ZFHX3: variants seen among roughly 807,000 people sequenced by gnomAD.
The protein encoded by ZFHX3 is zinc finger homeobox protein 3.
ZFHX3 carries 42 observed loss-of-function variants against 279.1 expected under a neutral mutation model. That is an observed-to-expected ratio of 0.15 (90% CI 0.12 to 0.19). ZFHX3 has a LOEUF of 0.19. Ranked by LOEUF, ZFHX3 falls within the 10% of genes least tolerant of loss-of-function variation. ZFHX3 has a pLI of 1.00. For missense variants in ZFHX3, 4,981 were observed against 4,754.0 expected, an observed-to-expected ratio of 1.05 and a Z score of -1.40; for synonymous variants, 2,293 against 1,957.8, an observed-to-expected ratio of 1.17 and a Z score of -4.52.
At chr16:72,878,203 C>CA (rs113457847) in intron 4 of ZFHX3, among the ~76,000 whole-genome samples, 52 of 151,656 alleles carry the variant, frequency 3.4e-4, no homozygotes, top group African/African-American at 7.5e-4. Flanking sequence ...AAAACAAAAA[C>CA]AAAAAAACAA....
At chr16:73,581,405 G>GT (rs1194088452) in intron 2 of ZFHX3, among the ~76,000 whole-genome samples, 1 of 151,670 alleles carries the variant, frequency 6.6e-6, no homozygotes, top group Non-Finnish European at 1.5e-5. Flanking sequence ...GTTTGTATAA[G>GT]TGGTTTTCTT....
At chr16:73,630,308 G>A (rs2052456126) in intron 2 of ZFHX3, among the ~76,000 whole-genome samples, 1 of 152,182 alleles carries the variant, frequency 6.6e-6, no homozygotes, top group Non-Finnish European at 1.5e-5. Flanking sequence ...TTGATCATTT[G>A]GAGAGGGTGA....
At chr16:73,840,089 A>C (rs1271600649) in intron 1 of ZFHX3, among the ~76,000 whole-genome samples, 2 of 152,190 alleles carry the variant, frequency 1.3e-5, no homozygotes, top group East Asian at 3.9e-4. Flanking sequence ...CACCCAGCTC[A>C]GGATCCAGTA....
intron 3 of ZFHX3, among the ~76,000 whole-genome samples, chr16:73,360,901 C>CA (rs913308629): frequency 2.6e-5 from 4 of 151,082 alleles, no homozygotes; most frequent in Admixed American, 2.0e-4. Context: ...GGGATCCATG[C>CA]AAAAAAAAGC....
chr16:73,554,378 T>A lies in ZFHX3; in HGVS notation c.-1546-98120A>T, dbSNP rs1275656647. 4 of 152,254 alleles carry A rather than the reference T, an allele frequency of 2.6e-5. No individual in the cohort carries two copies. The East Asian group carries it at 7.7e-4, about 29-fold the overall frequency. The allele number at this position is 152,254 out of a possible 1,614,324, so 9.4% of individuals were successfully genotyped here. On this transcript the variant is annotated intron_variant, in intron 2 of 17. Transcript: ENST00000641206. ...AAAAGCCAGGAATAACATGACAATA[T>A]CTTCTTTGCATTCTCCAAGTTAGTG...
intron 5 of ZFHX3, among the ~76,000 whole-genome samples, chr16:73,240,217 A>ATTTAC: frequency 6.7e-6 from 1 of 148,470 alleles, no homozygotes; most frequent in South Asian, 2.1e-4. Context: ...CTTGCAGGGT[A>ATTTAC]TTTTCTTTTC....
intron 3 of ZFHX3, among the ~76,000 whole-genome samples, chr16:73,319,741 C>T (rs550138192): frequency 2.0e-5 from 3 of 152,222 alleles, no homozygotes; most frequent in Middle Eastern, 3.4e-3. Context: ...TAGGTTTAAA[C>T]GAAACCCCGC....
chr16:73,652,793 GTAT>G lies in ZFHX3; in HGVS notation c.-1547+27384_-1547+27386del, dbSNP rs2142167205. On this transcript the variant is annotated intron_variant, in intron 2 of 17. Coordinates refer to the ZFHX3 transcript ENST00000641206. ...ATAAATAAAAGAATGAAAATAAAGTGTATTATTTCCATATGAATACAAAAAATA... is the reference window on the plus strand; with the variant it reads ...ATAAATAAAAGAATGAAAATAAAGTGTATTTCCATATGAATACAAAAAATA... 1.3e-5 allele frequency among the ~76,000 whole-genome samples: 2 copies of G among 152,096 alleles called. 1 individual carries two copies. Among genetic ancestry groups the G allele is most frequent in the East Asian group, 3.9e-4 (2 of 5,178 alleles).
intron 1 of ZFHX3, among the ~76,000 whole-genome samples, chr16:73,780,569 A>G (rs1959435071): frequency 6.7e-6 from 1 of 149,920 alleles, no homozygotes; most frequent in Non-Finnish European, 1.5e-5. Context: ...CTGCCTCCCA[A>G]GGAGCTGGAT....
At chr16:72,826,824 G>A (rs952504512) in intron 5 of ZFHX3, among the ~76,000 whole-genome samples, 7 of 152,200 alleles carry the variant, frequency 4.6e-5, no homozygotes, top group African/African-American at 7.2e-5. Context: ...GAATGCATGA[G>A]AAAGTGGAAC....
At chr16:73,676,687 T>A (rs1015113066) in intron 2 of ZFHX3, among the ~76,000 whole-genome samples, 2 of 151,686 alleles carry the variant, frequency 1.3e-5, no homozygotes, top group African/African-American at 2.4e-5. Flanking sequence ...GAAGACTGAG[T>A]CACAACACCA....
At chr16:73,479,369 C>A (rs1053223246) in intron 2 of ZFHX3, among the ~76,000 whole-genome samples, 1 of 152,184 alleles carries the variant, frequency 6.6e-6, no homozygotes, top group Non-Finnish European at 1.5e-5. Context: ...GCACCCCAAA[C>A]CCCTGCCATA....
rs79640347 is a variant in ZFHX3, at chr16:73,602,438, T to A, written c.-1547+77742A>T. The stretch of plus-strand genomic sequence containing the variant: ...TATTACGAGAACTTCTTTGGTCTCA[T>A]GAGACGATTCCTCCAAAGGGCAGGG... On this transcript the variant is annotated intron_variant, in intron 2 of 17. Coordinates refer to the ZFHX3 transcript ENST00000641206. Among the ~76,000 whole-genome samples the A allele has an allele frequency of 2.4e-3, 369 of 152,268 alleles. 1 individual carries two copies. The highest frequency in any genetic ancestry group is 8.3e-3 in the African/African-American group (345 of 41,560).
At position 73,185,345 on chromosome 16, in the gene ZFHX3, A is replaced by G. The variant is rs1291068763; in HGVS notation, c.-1103-41514T>C. Among the ~76,000 whole-genome samples the G allele has an allele frequency of 2.0e-5, 3 of 152,348 alleles. No homozygotes were observed. The East Asian group carries it at 5.8e-4, about 29-fold the overall frequency. On this transcript the variant is annotated intron_variant, in intron 5 of 17. Transcript: ENST00000641206. ...GCATTATTCCTGTCCTCATTTTACCAAATGGCAACCTGAGGTTCAGGGAGG... is the reference window on the plus strand; with the variant it reads ...GCATTATTCCTGTCCTCATTTTACCGAATGGCAACCTGAGGTTCAGGGAGG...
At chr16:73,578,616 A>G (rs2051825523) in intron 2 of ZFHX3, among the ~76,000 whole-genome samples, 1 of 152,172 alleles carries the variant, frequency 6.6e-6, no homozygotes, top group Admixed American at 6.5e-5. Context: ...ACACCCAAGG[A>G]AGTGATGTGT....
intron 1 of ZFHX3, among the ~76,000 whole-genome samples, chr16:73,760,323 G>A (rs2053851395): frequency 6.6e-6 from 1 of 152,110 alleles, no homozygotes; most frequent in African/African-American, 2.4e-5. Flanking sequence ...AAATGCCGAG[G>A]ACCAGACGGA....
intron 1 of ZFHX3, among the ~76,000 whole-genome samples, chr16:72,976,795 A>G (rs1252116285): frequency 2.0e-5 from 3 of 152,204 alleles, no homozygotes; most frequent in African/African-American, 7.2e-5. Flanking sequence ...TGACCATGGC[A>G]TCTCATGGCT....
intron 2 of ZFHX3, among the ~76,000 whole-genome samples, chr16:73,542,285 G>A (rs1281162886): frequency 6.6e-6 from 1 of 152,170 alleles, no homozygotes; most frequent in Non-Finnish European, 1.5e-5. Flanking sequence ...GGCGGGGGCT[G>A]CACAGGGTGG....
chr16:73,250,443 A>G (rs2013446708), intron 5 of ZFHX3, among the ~76,000 whole-genome samples: 1 of 152,136 alleles, frequency 6.6e-6, no homozygotes, highest in East Asian at 1.9e-4. Context: ...TATTTTATCC[A>G]TTTTTAATTT....
Sources: gnomAD v4.1 joint callset for allele counts (sites outside exome capture counted in the v4.1 genomes callset) on GRCh38, gnomAD v4.1.1 for gene constraint, MANE v1.5 for transcripts, NCBI Gene and HGNC (gene_info 2026-07-23, HGNC 2026-07-21) for gene names.